The following ANKFN1 variants were observed in gnomAD, a reference collection of about 807,000 sequenced individuals.
The protein encoded by ANKFN1 is ankyrin repeat and fibronectin type-III domain-containing protein 1.
ANKFN1 carries 74 observed loss-of-function variants against 108.7 expected under a neutral mutation model. The observed-to-expected ratio is 0.68, with a 90% CI of 0.56 to 0.83. The LOEUF (loss-of-function observed/expected upper bound fraction) is 0.83, where lower values mean the gene tolerates loss of function less well. Ranked by LOEUF, ANKFN1 falls within the 40% of genes least tolerant of loss-of-function variation. ANKFN1 has a pLI of 0.00. For synonymous variants in ANKFN1, 547 were observed against 516.2 expected (o/e 1.06, Z -0.81); for missense variants, 1,505 against 1,382.3 (o/e 1.09, Z -1.41).
At chr17:56,225,052 TAAG>T (rs1916164134) in intron 2 of ANKFN1, 1 of 152,176 alleles carries the variant, frequency 6.6e-6, no homozygotes, top group East Asian at 1.9e-4. Context: ...AGGATCCACA[TAAG>T]AAGATCCCCA....
chr17:56,217,035 A>G lies in ANKFN1; in HGVS notation c.12+4356A>G, dbSNP rs78786643. Among the ~76,000 whole-genome samples the G allele has an allele frequency of 5.8e-4, 89 of 152,358 alleles. 1 individual carries two copies. The East Asian group carries it at 0.016, about 28-fold the overall frequency. ...AAACCCCACACTTAAAATCTCTGCAAAATCCTGGGAGATAACATTCTCTCA... is the reference window on the plus strand; with the variant it reads ...AAACCCCACACTTAAAATCTCTGCAGAATCCTGGGAGATAACATTCTCTCA... On this transcript the variant is annotated intron_variant, in intron 2 of 20. Coordinates refer to ENST00000682825, the MANE Select transcript of ANKFN1 (RefSeq NM_001370326.1).
chr17:56,289,454 C>T (rs574558800), intron 3 of ANKFN1, among the ~76,000 whole-genome samples: 2 of 152,316 alleles, frequency 1.3e-5, no homozygotes, highest in East Asian at 3.9e-4. Context: ...ACGAGCCAGT[C>T]CTCAGCTCCT....
chr17:56,510,895 G>T lies in ANKFN1; in HGVS notation c.3067G>T (p.Glu1023Ter), dbSNP rs754196150. Residue 1023 changes from glutamate (E) to a stop codon, truncating the protein, a stop_gained, in exon 21 of 21, where the codon GAG (glutamate) becomes TAG (stop). Transcript: ENST00000682825. LOFTEE classifies it low-confidence loss of function (END_TRUNC). ...RHHRWLRIHSETQSLSLSEGI... is the reference protein window; with the variant it reads ...RHHRWLRIHS ...TCATCGCTGGTTGCGCATCCACAGCGAGACCCAGTCGCTATCGCTCTCTGA... is the reference window on the plus strand; with the variant it reads ...TCATCGCTGGTTGCGCATCCACAGCTAGACCCAGTCGCTATCGCTCTCTGA... 34 of 1,536,050 alleles carry T rather than the reference G, an allele frequency of 2.2e-5. No individual in the cohort carries two copies. Among genetic ancestry groups the T allele is most frequent in the Non-Finnish European group, 2.7e-5 (31 of 1,146,920 alleles).
At chr17:56,061,503 C>A (rs903850975) in intron 4 of ANKFN1, among the ~76,000 whole-genome samples, 1 of 151,914 alleles carries the variant, frequency 6.6e-6, no homozygotes, top group Admixed American at 6.6e-5. Flanking sequence ...GAACTCCTGA[C>A]CTCAGGTGAT....
intron 4 of ANKFN1, among the ~76,000 whole-genome samples, chr17:56,059,554 T>A (rs1224033288): frequency 6.6e-6 from 1 of 152,224 alleles, no homozygotes; most frequent in Non-Finnish European, 1.5e-5. Flanking sequence ...TCTAGGGTTT[T>A]TATGGTTTGG....
chr17:56,372,191 C>A (rs1211131319), intron 6 of ANKFN1, among the ~76,000 whole-genome samples: 3 of 152,204 alleles, frequency 2.0e-5, no homozygotes, highest in Non-Finnish European at 4.4e-5. Context: ...CAGGTTCTAC[C>A]AAAAGCAAAA....
intron 4 of ANKFN1, among the ~76,000 whole-genome samples, chr17:56,101,763 C>G (rs775367333): frequency 2.6e-5 from 4 of 152,108 alleles, no homozygotes; most frequent in Non-Finnish European, 4.4e-5. Flanking sequence ...TAAAACTGAT[C>G]ATTCAGAAAT....
chr17:56,078,147 T>C (rs1465774171), intron 4 of ANKFN1, among the ~76,000 whole-genome samples: 2 of 152,230 alleles, frequency 1.3e-5, no homozygotes, highest in African/African-American at 4.8e-5. Flanking sequence ...TCAGTTCAAC[T>C]CTTTTAGCTG....
At chr17:56,392,568 T>C (rs1316178670) in intron 8 of ANKFN1, among the ~76,000 whole-genome samples, 1 of 152,126 alleles carries the variant, frequency 6.6e-6, no homozygotes, top group Non-Finnish European at 1.5e-5. Context: ...TAAAATCAGG[T>C]GGGCTGAGTC....
chr17:56,436,677 A>C (rs1202379850), intron 8 of ANKFN1, among the ~76,000 whole-genome samples: 1 of 152,028 alleles, frequency 6.6e-6, no homozygotes, highest in East Asian at 1.9e-4. Context: ...TAAATACAAA[A>C]AAATTAGCCA....
intron 1 of ANKFN1, among the ~76,000 whole-genome samples, chr17:56,170,241 AGGAGGAAGAAG>A (rs1182003897): frequency 6.6e-6 from 1 of 152,192 alleles, no homozygotes; most frequent in Non-Finnish European, 1.5e-5. Context: ...TTCCTCCTCC[AGGAGGAAGAAG>A]GAAGGCTCCC....
intron 3 of ANKFN1, among the ~76,000 whole-genome samples, chr17:56,291,260 A>G (rs2044355796): frequency 6.6e-6 from 1 of 152,082 alleles, no homozygotes; most frequent in Non-Finnish European, 1.5e-5. Flanking sequence ...TATCTCCCTA[A>G]ATTCCTTGTC....
At chr17:56,067,593 G>A (rs1363959448) in intron 4 of ANKFN1, among the ~76,000 whole-genome samples, 2 of 152,138 alleles carry the variant, frequency 1.3e-5, no homozygotes, top group East Asian at 3.8e-4. Context: ...GTCACATTTA[G>A]CTAAGTGTTT....
intron 20 of ANKFN1, 37 bp from the exon 21 acceptor site, chr17:56,510,436 A>G: frequency 1.3e-6 from 2 of 1,513,580 alleles, no homozygotes; most frequent in South Asian, 2.4e-5. Context: ...TCTAGCTAAG[A>G]CTATATTTTT....
chr17:56,238,476 T>C (rs191751626), intron 3 of ANKFN1, among the ~76,000 whole-genome samples: 6 of 152,224 alleles, frequency 3.9e-5, no homozygotes, highest in East Asian at 3.9e-4. Flanking sequence ...GTGTTGAGTA[T>C]ATATATATTT....
intron 1 of ANKFN1, among the ~76,000 whole-genome samples, chr17:56,170,807 TACAC>T (rs112596144): frequency 3.9e-3 from 237 of 61,450 alleles, no homozygotes; most frequent in Middle Eastern, 8.6e-3. Context: ...TATATATATA[TACAC>T]ACACACACAC....
rs759610694 is a variant in ANKFN1 at position 56,516,324 on chromosome 17, AT to A, written c.*5058del. On this transcript the variant is annotated 3_prime_UTR_variant, in exon 21 of 21. Coordinates refer to ENST00000682825, the MANE Select transcript of ANKFN1 (RefSeq NM_001370326.1). ...AGAGAGATGTTTCATAGAAAAAGTA[AT>A]TTAAGTGACATTCTCATTTGGCAGT... Among the ~76,000 whole-genome samples the A allele has an allele frequency of 1.3e-5, 2 of 151,868 alleles. No homozygotes were observed. The highest frequency in any genetic ancestry group is 2.9e-5 in the Non-Finnish European group (2 of 67,966).
chr17:56,505,938 C>A (rs2051542613), intron 20 of ANKFN1, among the ~76,000 whole-genome samples: 1 of 152,208 alleles, frequency 6.6e-6, no homozygotes, highest in Non-Finnish European at 1.5e-5. Flanking sequence ...TTGCAAACTT[C>A]AGTGGTTGCT....
chr17:56,214,982 CA>C (rs1006994737), intron 2 of ANKFN1, among the ~76,000 whole-genome samples: 115 of 152,322 alleles, frequency 7.5e-4, no homozygotes, highest in African/African-American at 2.7e-3. Context: ...CTTTCATAAC[CA>C]AGTTAAATAA....
Sources: allele counts gnomAD v4.1 joint callset (sites outside exome capture counted in the v4.1 genomes callset), GRCh38; gene constraint gnomAD v4.1.1; transcripts MANE v1.5; gene names NCBI Gene and HGNC (gene_info 2026-07-23, HGNC 2026-07-21).